PRKD2: variants seen among roughly 807,000 people sequenced by gnomAD.
PRKD2 encodes serine/threonine-protein kinase D2.
In PRKD2, 22 loss-of-function variants were observed where a neutral mutation model predicts 86.0. The ratio of observed to expected loss-of-function variants is 0.26; its 90% CI spans 0.18 to 0.37. PRKD2 has a LOEUF of 0.37. Among genes scored for constraint, PRKD2 ranks in the 10% least tolerant of loss-of-function variants. The pLI, the probability that PRKD2 is intolerant of heterozygous loss-of-function variation, is 1.00. For missense variants in PRKD2, 818 were observed against 1,199.2 expected (o/e 0.68, Z 4.70); for synonymous variants, 509 against 510.9 (o/e 1.00, Z 0.05).
At chr19:46,690,996 C>T (rs1433762013) in intron 12 of PRKD2, among the ~76,000 whole-genome samples, 2 of 152,128 alleles carry the variant, frequency 1.3e-5, no homozygotes, top group Admixed American at 6.6e-5. Flanking sequence ...TTGTGTGACC[C>T]GTAAGAGTCC....
rs1240051755 is a variant in PRKD2, at chr19:46,678,513, T to G, written c.2221A>C (p.Met741Leu). 8 of 1,614,202 alleles carry G rather than the reference T, an allele frequency of 5.0e-6. No individual in the cohort carries two copies. Among genetic ancestry groups the G allele is most frequent in the Non-Finnish European group, 6.8e-6 (8 of 1,180,038 alleles). Residue 741 changes from methionine to leucine, a missense_variant, in exon 16 of 18, where the codon ATG (methionine) becomes CTG (leucine). Coordinates refer to ENST00000291281, the MANE Select transcript of PRKD2 (RefSeq NM_016457.5). The surrounding 1 kb of genome is among the most constrained non-coding windows in gnomAD (Gnocchi z 5.7). ...AAGGTGCCGCTGAGGCTGACGTACA[T>G]GATCACGCCCACTGACCACATGTCC... ...SLDMWSVGVI[M>L]YVSLSGTFPF...
chr19:46,713,739 G>C, intron 2 of PRKD2, 124 bp downstream of exon 2: 1 of 949,354 alleles, frequency 1.1e-6, no homozygotes, highest in Non-Finnish European at 1.5e-6. Flanking sequence ...CCAAAGTGCT[G>C]GGATCACAGG....
chr19:46,674,996 A>G, intron 17 of PRKD2, 37 bp downstream of exon 17: 5 of 1,549,110 alleles, frequency 3.2e-6, no homozygotes, highest in Non-Finnish European at 4.4e-6. Context: ...CCCTTCCTCC[A>G]ATCCAGCCAA....
At chr19:46,680,946 A>ATATATATATATATATTTT in intron 15 of PRKD2, among the ~76,000 whole-genome samples, 970 of 47,996 alleles carry the variant, frequency 0.02, 33 homozygotes, top group Non-Finnish European at 0.032. Context: ...ATATATATAT[A>ATATATATATATATATTTT]TTTTTTTTTT....
intron 3 of PRKD2, 71 bp from the exon 4 acceptor site, chr19:46,704,720 C>T: frequency 6.6e-7 from 1 of 1,517,942 alleles, no homozygotes; most frequent in Non-Finnish European, 8.8e-7. Context: ...GAAGTTGTGC[C>T]CTTTCCACCC....
At chr19:46,674,900 G>A in intron 17 of PRKD2, 133 bp downstream of exon 17, 1 of 1,173,360 alleles carries the variant, frequency 8.5e-7, no homozygotes, top group Non-Finnish European at 1.2e-6. Context: ...CCTGCACCCA[G>A]CCAATGGGAG....
At chr19:46,685,470 G>A (rs988775613) in intron 14 of PRKD2, 1 of 152,264 alleles carries the variant, frequency 6.6e-6, no homozygotes, top group African/African-American at 2.4e-5. Flanking sequence ...GAGGTAAAGG[G>A]CTTAGCACAG....
At chr19:46,706,594 T>C (rs1477861876) in intron 3 of PRKD2, among the ~76,000 whole-genome samples, 1 of 152,188 alleles carries the variant, frequency 6.6e-6, no homozygotes, top group Non-Finnish European at 1.5e-5. Flanking sequence ...CCTGTCGGAA[T>C]GTAGTCATTT....
chr19:46,690,116 G>A (rs1176058155), intron 13 of PRKD2, among the ~76,000 whole-genome samples: 1 of 152,164 alleles, frequency 6.6e-6, no homozygotes, highest in African/African-American at 2.4e-5. Context: ...TTGGAGAAAT[G>A]GGGAGAGCTC....
Position 46,678,782 on chromosome 19 carries a change from G to T in PRKD2, c.2071-119C>A. 1 of 1,247,294 alleles carries T rather than the reference G, an allele frequency of 8.0e-7. No individual in the cohort carries two copies. The highest frequency in any genetic ancestry group is 1.5e-5 in the African/African-American group (1 of 66,450). The allele number at this position is 1,247,294 out of a possible 1,614,324, so 77.3% of individuals were successfully genotyped here. On this transcript the variant is annotated intron_variant, in intron 15 of 17. Transcript: ENST00000291281. The surrounding 1 kb of genome is among the most constrained non-coding windows in gnomAD (Gnocchi z 5.7). ...AAGCTGGATGCTGGTTTGAATCCAG[G>T]CTCCTTGGCTCACTAGCTGAGCAAC...
chr19:46,681,255 CTTT>C (rs560763431), intron 15 of PRKD2, among the ~76,000 whole-genome samples: 6 of 133,072 alleles, frequency 4.5e-5, no homozygotes, highest in Non-Finnish European at 6.5e-5. Context: ...CGCACCCAGT[CTTT>C]TTTTTTTTTT....
intron 10 of PRKD2, among the ~76,000 whole-genome samples, chr19:46,692,361 G>A (rs768246199): frequency 6.6e-6 from 1 of 152,056 alleles, no homozygotes; most frequent in Non-Finnish European, 1.5e-5. Flanking sequence ...ACTGACTCCT[G>A]CATCTTCCCT....
chr19:46,714,490 C>CGGGGGGG (rs1254751346), intron 1 of PRKD2: 6 of 43,540 alleles, frequency 1.4e-4, no homozygotes, highest in Admixed American at 4.7e-4. Flanking sequence ...GGGGGGGGGC[C>CGGGGGGG]GGGGGACTTG....
Position 46,678,247 on chromosome 19 carries a change from A to T in PRKD2, c.2338+149T>A. 1 of 1,243,298 alleles carries T rather than the reference A, an allele frequency of 8.0e-7. No individual in the cohort carries two copies. Among genetic ancestry groups the T allele is most frequent in the Non-Finnish European group, 1.1e-6 (1 of 909,124 alleles). 77.0% of individuals were successfully genotyped at this position (1,243,298 alleles called of 1,614,324 possible). On this transcript the variant is annotated intron_variant, in intron 16 of 17. Transcript: ENST00000291281. This position sits in a 1 kb window ranked among gnomAD's most constrained non-coding sequence, Gnocchi z 5.7. ...TTACAGGACGGCTCCTCCTGTAGCCACATCCCTCCAGTAGGCCCGCCCCAG... is the reference window on the plus strand; with the variant it reads ...TTACAGGACGGCTCCTCCTGTAGCCTCATCCCTCCAGTAGGCCCGCCCCAG...
chr19:46,682,634 A>C (rs977268571), intron 14 of PRKD2, among the ~76,000 whole-genome samples: 1 of 151,972 alleles, frequency 6.6e-6, no homozygotes, highest in Non-Finnish European at 1.5e-5. Context: ...AAGATCTTCT[A>C]GCATGTGGTA....
intron 3 of PRKD2, among the ~76,000 whole-genome samples, chr19:46,705,222 C>G (rs893143926): frequency 2.6e-5 from 4 of 152,030 alleles, no homozygotes; most frequent in African/African-American, 9.7e-5. Context: ...CAGCCCCAGT[C>G]CTCTATGGTA....
intron 15 of PRKD2, among the ~76,000 whole-genome samples, chr19:46,680,580 C>A (rs891240620): frequency 2.0e-5 from 3 of 152,058 alleles, no homozygotes; most frequent in Non-Finnish European, 4.4e-5. Context: ...TGAGCCGCTG[C>A]GCTCAACCAG....
Position 46,678,466 on chromosome 19 carries a change from G to A in PRKD2, c.2268C>T (p.Asp756=), listed in dbSNP as rs199910856. The A allele has an allele frequency of 6.2e-7, 1 of 1,614,204 alleles. No individual in the cohort carries two copies. The highest frequency in any genetic ancestry group is 2.2e-5 in the East Asian group (1 of 44,878). ...SGTFPFNEDE[D]INDQIQNAAF... is the part of the protein sequence containing the mutation. ...CGGCGTTCTGGATCTGGTCATTGATGTCCTCATCCTCGTTGAAAGGGAAGG... is the reference window on the plus strand; with the variant it reads ...CGGCGTTCTGGATCTGGTCATTGATATCCTCATCCTCGTTGAAAGGGAAGG... The change falls in exon 16 of 18, where the codon GAC becomes GAT. Residue 756 remains aspartate, a synonymous_variant. Coordinates refer to ENST00000291281, the MANE Select transcript of PRKD2 (RefSeq NM_016457.5). The surrounding 1 kb of genome is among the most constrained non-coding windows in gnomAD (Gnocchi z 5.7).
intron 5 of PRKD2, among the ~76,000 whole-genome samples, chr19:46,703,760 A>G (rs942160206): frequency 1.3e-5 from 2 of 149,210 alleles, no homozygotes; most frequent in Non-Finnish European, 3.0e-5. Context: ...CGACAGAGTG[A>G]GACTCCGTCT....
Sources: allele counts gnomAD v4.1 joint callset (sites outside exome capture counted in the v4.1 genomes callset), GRCh38; gene constraint gnomAD v4.1.1; non-coding constraint Gnocchi (gnomAD v3.1); transcripts MANE v1.5; gene names NCBI Gene and HGNC (gene_info 2026-07-23, HGNC 2026-07-21).